ZFPM2: variants seen among roughly 807,000 people sequenced by gnomAD.
ZFPM2 encodes the protein zinc finger protein, FOG family member 2, also known as zinc finger protein ZFPM2.
ZFPM2 carries 20 observed loss-of-function variants against 98.6 expected under a neutral mutation model. The observed-to-expected ratio is 0.20, with a 90% CI of 0.14 to 0.29. ZFPM2 has a LOEUF of 0.29. Among genes scored for constraint, ZFPM2 ranks in the 10% least tolerant of loss-of-function variants. The pLI is 1.00. For synonymous variants in ZFPM2, 518 were observed against 502.7 expected, an observed-to-expected ratio of 1.03 and a Z score of -0.41; for missense variants, 1,310 against 1,388.6, an observed-to-expected ratio of 0.94 and a Z score of 0.90.
At chr8:105,650,532 C>G (rs539898231) in intron 5 of ZFPM2, among the ~76,000 whole-genome samples, 159 of 152,296 alleles carry the variant, frequency 1.0e-3, no homozygotes, top group African/African-American at 1.9e-3. Flanking sequence ...AAATTTTCCT[C>G]TACACACTGC....
chr8:105,634,145 G>T (rs1047051818), intron 4 of ZFPM2, 101 bp from the exon 5 acceptor site: 23 of 861,834 alleles, frequency 2.7e-5, no homozygotes, highest in Non-Finnish European at 4.0e-5. Flanking sequence ...TGGTTTGGGA[G>T]ATTTAGTTGT....
chr8:105,685,952 TTG>T (rs1201047318), intron 5 of ZFPM2, among the ~76,000 whole-genome samples: 4 of 152,134 alleles, frequency 2.6e-5, no homozygotes, highest in African/African-American at 9.7e-5. Context: ...CCGGGAAGCT[TTG>T]TGTGATATAT....
rs1813926427 is a variant in ZFPM2 at position 105,516,590 on chromosome 8, G to C, written c.302-44773G>C. Among the ~76,000 whole-genome samples the C allele has an allele frequency of 2.0e-5, 3 of 152,094 alleles. No individual in the cohort carries two copies. In the South Asian group the frequency reaches 6.2e-4, roughly 32 times the overall value. ...CATTATTTAGGAAAAACACATTTCTGATGTCTCAGTCTGTCCTTAAGGTGG... is the reference window on the plus strand; with the variant it reads ...CATTATTTAGGAAAAACACATTTCTCATGTCTCAGTCTGTCCTTAAGGTGG... On this transcript the variant is annotated intron_variant, in intron 3 of 7. Coordinates refer to ENST00000407775, the MANE Select transcript of ZFPM2 (RefSeq NM_012082.4).
chr8:105,430,972 C>T (rs556108744), intron 2 of ZFPM2, among the ~76,000 whole-genome samples: 4 of 150,366 alleles, frequency 2.7e-5, no homozygotes, highest in East Asian at 3.9e-4. Flanking sequence ...GGAGCGATCT[C>T]GGCTCAGTGC....
intron 5 of ZFPM2, among the ~76,000 whole-genome samples, chr8:105,710,548 G>A (rs548546334): frequency 1.6e-3 from 237 of 152,090 alleles, no homozygotes; most frequent in Non-Finnish European, 2.7e-3. Flanking sequence ...TGAGAGATAT[G>A]CAATGAGAAA....
At chr8:105,762,272 C>A (rs1322564803) in intron 5 of ZFPM2, among the ~76,000 whole-genome samples, 1 of 151,890 alleles carries the variant, frequency 6.6e-6, no homozygotes, top group Non-Finnish European at 1.5e-5. Flanking sequence ...TTTTAGACTA[C>A]AGTATTTGAT....
At chr8:105,438,629 G>A (rs1812172996) in intron 2 of ZFPM2, among the ~76,000 whole-genome samples, 2 of 152,158 alleles carry the variant, frequency 1.3e-5, no homozygotes, top group Admixed American at 1.3e-4. Context: ...AAAATTGGGA[G>A]AGAGAATGTC....
chr8:105,521,800 C>T (rs1480344506), intron 3 of ZFPM2, among the ~76,000 whole-genome samples: 1 of 152,178 alleles, frequency 6.6e-6, no homozygotes, highest in Non-Finnish European at 1.5e-5. Flanking sequence ...TGGTCTCAAA[C>T]TCCTGACCTC....
At chr8:105,708,205 T>C (rs1811305248) in intron 5 of ZFPM2, among the ~76,000 whole-genome samples, 1 of 152,192 alleles carries the variant, frequency 6.6e-6, no homozygotes, top group Non-Finnish European at 1.5e-5. Context: ...GTCATCGACC[T>C]CCATATTCTT....
At chr8:105,414,206 T>C (rs1482924248) in intron 1 of ZFPM2, among the ~76,000 whole-genome samples, 1 of 152,038 alleles carries the variant, frequency 6.6e-6, no homozygotes, top group African/African-American at 2.4e-5. Context: ...TAATGTATAA[T>C]ACATTAATGC....
At chr8:105,410,450 G>A (rs1811552995) in intron 1 of ZFPM2, among the ~76,000 whole-genome samples, 1 of 151,810 alleles carries the variant, frequency 6.6e-6, no homozygotes, top group Admixed American at 6.6e-5. Flanking sequence ...TACCTTGTCT[G>A]ATTCACTCTA....
intron 5 of ZFPM2, among the ~76,000 whole-genome samples, chr8:105,764,527 GTTTTC>G (rs920723012): frequency 1.3e-5 from 2 of 151,102 alleles, no homozygotes; most frequent in African/African-American, 4.9e-5. Context: ...TTTAGTCAGT[GTTTTC>G]TTTTTAGAAA....
chr8:105,602,134 C>T (rs980706190), intron 4 of ZFPM2, among the ~76,000 whole-genome samples: 1 of 152,024 alleles, frequency 6.6e-6, no homozygotes, highest in Non-Finnish European at 1.5e-5. Context: ...CATTGAAAAC[C>T]CTAAGGAAAA....
At chr8:105,586,904 C>T (rs2130755201) in intron 4 of ZFPM2, among the ~76,000 whole-genome samples, 1 of 150,242 alleles carries the variant, frequency 6.7e-6, no homozygotes, top group East Asian at 1.9e-4. Context: ...AATATTTCTG[C>T]TTTCATGAAG....
At chr8:105,594,694 G>C (rs939718476) in intron 4 of ZFPM2, among the ~76,000 whole-genome samples, 2 of 152,006 alleles carry the variant, frequency 1.3e-5, no homozygotes, top group African/African-American at 4.8e-5. Flanking sequence ...ACTCAGATAT[G>C]ACTTCAAAAC....
At chr8:105,659,600 C>G (rs1395514215) in intron 5 of ZFPM2, among the ~76,000 whole-genome samples, 1 of 152,012 alleles carries the variant, frequency 6.6e-6, no homozygotes, top group Non-Finnish European at 1.5e-5. Flanking sequence ...TTCTTTTTTT[C>G]TTGGAAAGGG....
At chr8:105,537,663 C>T (rs1217500086) in intron 3 of ZFPM2, among the ~76,000 whole-genome samples, 1 of 152,108 alleles carries the variant, frequency 6.6e-6, no homozygotes, top group African/African-American at 2.4e-5. Flanking sequence ...GCCTGGGCAA[C>T]AGTGTGAGAC....
chr8:105,754,176 T>A (rs771256723), intron 5 of ZFPM2, among the ~76,000 whole-genome samples: 6 of 152,156 alleles, frequency 3.9e-5, no homozygotes, highest in Non-Finnish European at 2.9e-5. Context: ...AAATTTCCTT[T>A]GAGTCCAAAA....
chr8:105,609,028 A>T (rs560898438), intron 4 of ZFPM2, among the ~76,000 whole-genome samples: 1 of 152,266 alleles, frequency 6.6e-6, no homozygotes, highest in Admixed American at 6.5e-5. Flanking sequence ...GACAAATGAA[A>T]TAGAAGCAAA....
Sources: gnomAD v4.1 joint callset for allele counts (sites outside exome capture counted in the v4.1 genomes callset) on GRCh38, gnomAD v4.1.1 for gene constraint, MANE v1.5 for transcripts, NCBI Gene and HGNC (gene_info 2026-07-23, HGNC 2026-07-21) for gene names.